ARHGDIG: variants seen among roughly 807,000 people sequenced by gnomAD.
ARHGDIG encodes the protein rho GDP-dissociation inhibitor 3.
ARHGDIG carries 14 observed loss-of-function variants against 20.2 expected under a neutral mutation model. The observed-to-expected ratio is 0.69, with a 90% CI of 0.46 to 1.08. ARHGDIG has a LOEUF of 1.08. Among genes scored for constraint, ARHGDIG ranks in the 50% least tolerant of loss-of-function variants. The pLI is 0.00. For synonymous variants in ARHGDIG, 193 were observed against 138.6 expected (o/e 1.39, Z -2.76); for missense variants, 311 against 301.8 (o/e 1.03, Z -0.23).
At chr16:281,344 G>GC (rs570461087) in intron 1 of ARHGDIG, 14,863 of 140,790 alleles carry the variant, frequency 0.11, 803 homozygotes, top group African/African-American at 0.19. Flanking sequence ...GGGTCAGTAG[G>GC]TTTGGGGGCC....
At position 281,778 on chromosome 16, in the gene ARHGDIG, G is replaced by A. The variant is rs2052286840; in HGVS notation, c.106G>A (p.Ala36Thr). The change falls in exon 2 of 6, where the codon GCA becomes ACA. Residue 36 changes from alanine to threonine, a missense_variant. Physicochemically the swap from Ala to Thr is moderately conservative, Grantham distance 58. Coordinates refer to ENST00000219409, the MANE Select transcript of ARHGDIG (RefSeq NM_001176.4). ...LLADKEGGPP[A>T]VDEVLDEAVP... ...GGCTGACAAGGAGGGTGGGCCGCCG[G>A]CAGTGGACGAGGTGTTGGATGAGGC... 1.2e-6 allele frequency: 2 copies of A among 1,607,022 alleles called. No homozygotes were observed. Among genetic ancestry groups the A allele is most frequent in the African/African-American group, 2.7e-5 (2 of 74,940 alleles).
In ARHGDIG at chr16:280,701, C is replaced by A; in HGVS notation, c.21C>A (p.Cys7Ter). The stretch of plus-strand genomic sequence containing the variant: ...CCGCCATGCTGGGCCTGGACGCGTG[C>A]GAGCTGGGGGCGCAGCTGCTGGAGC... MLGLDA[C>*]ELGAQLLELL... The change falls in exon 1 of 6, where the codon TGC becomes TGA. Residue 7 changes from cysteine (C) to a stop codon, truncating the protein, a stop_gained. Coordinates refer to ENST00000219409, the MANE Select transcript of ARHGDIG (RefSeq NM_001176.4). LOFTEE classifies it high-confidence loss of function. This position sits in a 1 kb window ranked among gnomAD's most constrained non-coding sequence, Gnocchi z 6.6. The A allele has an allele frequency of 1.6e-6, 2 of 1,245,636 alleles. No individual in the cohort carries two copies. The highest frequency in any genetic ancestry group is 2.1e-5 in the South Asian group (1 of 47,156). 77.2% of individuals were successfully genotyped at this position (1,245,636 alleles called of 1,614,324 possible). A position where few individuals can be genotyped will look rare whatever the true frequency, so the allele number is the denominator to read the frequency against.
chr16:282,301 C>G lies in ARHGDIG; in HGVS notation c.342C>G (p.Asp114Glu). 6.2e-7 allele frequency: 1 copy of G among 1,613,310 alleles called. No homozygotes were observed. Among genetic ancestry groups the G allele is most frequent in the South Asian group, 1.1e-5 (1 of 91,078 alleles). ...PGPVVMDLTG[D>E]LAVLKDQVFV... ...TAGCTGAGGTTTCCCCAATAGGGGA[C>G]CTGGCTGTTCTGAAGGACCAGGTGT... Residue 114 changes from aspartate (D) to glutamate (E), a missense_variant, in exon 4 of 6, where the codon GAC becomes GAG. Transcript: ENST00000219409.
At chr16:281,576 C>G (rs1221602107) in intron 1 of ARHGDIG, 170 bp from the exon 2 acceptor site, 1 of 780,572 alleles carries the variant, frequency 1.3e-6, no homozygotes, top group South Asian at 2.0e-5. Context: ...GGTGCGGCAC[C>G]TCCCCAGGCC....
In ARHGDIG at chr16:282,660, AG is replaced by A; in HGVS notation, c.526del (p.Glu176SerfsTer5). 3.7e-6 allele frequency: 6 copies of A among 1,600,726 alleles called. No homozygotes were observed. The highest frequency in any genetic ancestry group is 5.1e-6 in the Non-Finnish European group (6 of 1,173,244). On this transcript the variant is annotated frameshift_variant, in exon 6 of 6. Coordinates refer to ENST00000219409, the MANE Select transcript of ARHGDIG (RefSeq NM_001176.4). LOFTEE classifies it low-confidence loss of function (END_TRUNC). ...YMVGSYGPSA[Q>X]EYEFVTPVEE... ...GTGGGCAGCTATGGCCCGAGCGCCC[AG>A]GAGTATGAGTTTGTGACTCCGGTGG...
In ARHGDIG at chr16:282,676, G is replaced by A. The variant is rs1363221623; in HGVS notation, c.540G>A (p.Val180=). Residue 180 remains valine (V), a synonymous_variant, in exon 6 of 6, where the codon GTG becomes GTA. Transcript: ENST00000219409. The part of the protein sequence containing the change: ...YGPSAQEYEF[V]TPVEEAPRGA... ...CGAGCGCCCAGGAGTATGAGTTTGTGACTCCGGTGGAGGAAGCGCCGAGGG... is the reference window on the plus strand; with the variant it reads ...CGAGCGCCCAGGAGTATGAGTTTGTAACTCCGGTGGAGGAAGCGCCGAGGG... 1 of 1,601,566 alleles carries A rather than the reference G, an allele frequency of 6.2e-7. No homozygotes were observed. The highest frequency in any genetic ancestry group is 1.7e-5 in the Admixed American group (1 of 59,170).
At chr16:282,551 A>AGGGGGGGGGG in intron 5 of ARHGDIG, 21 bp downstream of exon 5, 1 of 660,178 alleles carries the variant, frequency 1.5e-6, no homozygotes, top group Admixed American at 2.9e-5. Context: ...CGGTGGGGGG[A>AGGGGGGGGGG]ACGGGGCGGG....
chr16:282,325 G>A lies in ARHGDIG; in HGVS notation c.366G>A (p.Val122=), dbSNP rs142556476. 325 of 1,607,852 alleles carry A rather than the reference G, an allele frequency of 2.0e-4. No individual in the cohort carries two copies. Among genetic ancestry groups the A allele is most frequent in the Non-Finnish European group, 2.6e-4 (310 of 1,177,288 alleles). The change falls in exon 4 of 6, where the codon GTG becomes GTA. Residue 122 remains valine (V), a synonymous_variant. Transcript: ENST00000219409. ...ACCTGGCTGTTCTGAAGGACCAGGT[G>A]TTTGTCCTGAAGGAAGGTGTTGATT... The part of the protein sequence containing the change: ...TGDLAVLKDQ[V]FVLKEGVDYR...
At chr16:281,431 G>A in intron 1 of ARHGDIG, 1 of 314,180 alleles carries the variant, frequency 3.2e-6, no homozygotes, top group Non-Finnish European at 5.9e-6. Flanking sequence ...CCCTGACCCT[G>A]GGCTGCCCTC....
chr16:280,723 G>T lies in ARHGDIG; in HGVS notation c.43G>T (p.Glu15Ter). Residue 15 changes from glutamate to a stop codon, truncating the protein, a stop_gained, in exon 1 of 6, where the codon GAG (glutamate) becomes TAG (stop). Coordinates refer to ENST00000219409, the MANE Select transcript of ARHGDIG (RefSeq NM_001176.4). LOFTEE classifies it high-confidence loss of function. This position sits in a 1 kb window ranked among gnomAD's most constrained non-coding sequence, Gnocchi z 6.6. ...GTGCGAGCTGGGGGCGCAGCTGCTG[G>T]AGCTGCTCCGGCTGGCGCTGTGCGC... ...DACELGAQLL[E>*]LLRLALCARV... The T allele has an allele frequency of 7.7e-7, 1 of 1,293,114 alleles. No homozygotes were observed. Among genetic ancestry groups the T allele is most frequent in the Non-Finnish European group, 9.8e-7 (1 of 1,016,108 alleles). The allele number at this position is 1,293,114 out of a possible 1,614,324, so 80.1% of individuals were successfully genotyped here.
chr16:281,135 G>T lies in ARHGDIG; in HGVS notation c.73+382G>T, dbSNP rs544605489. On this transcript the variant is annotated intron_variant, in intron 1 of 5. Transcript: ENST00000219409. ...AGGGCACCAGGGAGAGGGGCTTCAG[G>T]AGGCCACCAGCCCGGGGCGCCATGG... is the stretch of plus-strand genomic sequence containing the variant. 290 of 154,794 alleles carry T rather than the reference G, an allele frequency of 1.9e-3. 3 individuals carry two copies. The highest frequency in any genetic ancestry group is 0.011 in the Admixed American group (176 of 15,368). 9.6% of individuals were successfully genotyped at this position (154,794 alleles called of 1,614,324 possible). A position where few individuals can be genotyped will look rare whatever the true frequency, so the allele number is the denominator to read the frequency against.
At chr16:281,084 G>A (rs1000102468) in intron 1 of ARHGDIG, 71 of 160,302 alleles carry the variant, frequency 4.4e-4, no homozygotes, top group Admixed American at 1.9e-3. Context: ...GGAGCGAAGT[G>A]GGCAGGGACT....
chr16:282,354 G>C lies in ARHGDIG; in HGVS notation c.395G>C (p.Arg132Thr). 6.2e-7 allele frequency: 1 copy of C among 1,613,108 alleles called. No homozygotes were observed. The highest frequency in any genetic ancestry group is 1.1e-5 in the South Asian group (1 of 91,078). Residue 132 changes from arginine to threonine, a missense_variant, in exon 4 of 6, where the codon AGA becomes ACA. By Grantham distance (71) the Arg-to-Thr change is moderately conservative (BLOSUM62 -1). Transcript: ENST00000219409. ...GTCCTGAAGGAAGGTGTTGATTACA[G>C]AGTGAAGATCTCCTTCAAGGTGAGA... is the stretch of plus-strand genomic sequence containing the variant. ...VFVLKEGVDY[R>T]VKISFKVHRE...
chr16:282,149 C>T, intron 3 of ARHGDIG, 41 bp downstream of exon 3: 1 of 1,611,248 alleles, frequency 6.2e-7, no homozygotes, highest in Non-Finnish European at 8.5e-7. Context: ...AGGTAGGGCC[C>T]TCCCAGGCAC....
chr16:282,884 C>A lies in ARHGDIG; in HGVS notation c.*70C>A, dbSNP rs565510098. The A allele has an allele frequency of 2.0e-4, 296 of 1,454,078 alleles. 2 individuals carry two copies. In the South Asian group the frequency reaches 3.6e-3, roughly 18 times the overall value. 90.1% of individuals were successfully genotyped at this position (1,454,078 alleles called of 1,614,324 possible). ...GGACCCCCAAGCATCCCCAGCACCC[C>A]CCGTGAGTGACCAGACCCTCCCCTG... On this transcript the variant is annotated 3_prime_UTR_variant, in exon 6 of 6. Transcript: ENST00000219409.
chr16:280,866 C>T lies in ARHGDIG; in HGVS notation c.73+113C>T, dbSNP rs1281926840. On this transcript the variant is annotated intron_variant, in intron 1 of 5. Coordinates refer to ENST00000219409, the MANE Select transcript of ARHGDIG (RefSeq NM_001176.4). This position sits in a 1 kb window ranked among gnomAD's most constrained non-coding sequence, Gnocchi z 6.6. ...CGCATGGGGACCTCGCGGCGCCGAC[C>T]CCCCGGCTGGGGTCTGGCAGGGGTG... 5 of 593,808 alleles carry T rather than the reference C, an allele frequency of 8.4e-6. No homozygotes were observed. The highest frequency in any genetic ancestry group is 2.0e-5 in the African/African-American group (1 of 49,398). The allele number at this position is 593,808 out of a possible 1,614,324, so 36.8% of individuals were successfully genotyped here.
chr16:281,530 G>T, intron 1 of ARHGDIG: 1 of 538,418 alleles, frequency 1.9e-6, no homozygotes, highest in Non-Finnish European at 3.3e-6. Flanking sequence ...TGCAGGCCTG[G>T]CGGTCTCTGG....
chr16:282,884 C>T lies in ARHGDIG; in HGVS notation c.*70C>T. The T allele has an allele frequency of 4.1e-6, 6 of 1,454,078 alleles. No individual in the cohort carries two copies. The highest frequency in any genetic ancestry group is 5.5e-6 in the Non-Finnish European group (6 of 1,089,076). The allele number at this position is 1,454,078 out of a possible 1,614,324, so 90.1% of individuals were successfully genotyped here. The stretch of plus-strand genomic sequence containing the variant: ...GGACCCCCAAGCATCCCCAGCACCC[C>T]CCGTGAGTGACCAGACCCTCCCCTG... On this transcript the variant is annotated 3_prime_UTR_variant, in exon 6 of 6. Coordinates refer to ENST00000219409, the MANE Select transcript of ARHGDIG (RefSeq NM_001176.4).
At chr16:282,135 A>G in intron 3 of ARHGDIG, 27 bp downstream of exon 3, 11 of 1,612,522 alleles carry the variant, frequency 6.8e-6, no homozygotes, top group Non-Finnish European at 9.3e-6. Flanking sequence ...TGCACCCTGA[A>G]CACAGGTAGG....
Sources: gnomAD v4.1 joint callset for allele counts on GRCh38, gnomAD v4.1.1 for gene constraint, Gnocchi (gnomAD v3.1) non-coding constraint, MANE v1.5 for transcripts, NCBI Gene and HGNC (gene_info 2026-07-23, HGNC 2026-07-21) for gene names.